The following CEP295 variants were observed in gnomAD, a reference collection of about 807,000 sequenced individuals.
CEP295 encodes the protein centrosomal protein 295.
CEP295 carries 190 observed loss-of-function variants against 291.6 expected under a neutral mutation model. The observed-to-expected ratio is 0.65, with a 90% confidence interval of 0.58 to 0.73. The LOEUF is 0.73. Ranked by LOEUF, CEP295 falls within the 30% of genes least tolerant of loss-of-function variation. CEP295 has a pLI of 0.00. For missense variants in CEP295, 2,863 were observed against 2,949.4 expected (o/e 0.97, Z 0.68); for synonymous variants, 993 against 1,038.8 (o/e 0.96, Z 0.85).
chr11:93,724,544 A>G (rs1222213741), intron 22 of CEP295, among the ~76,000 whole-genome samples, 169 bp downstream of exon 22: 2 of 152,224 alleles, frequency 1.3e-5, no homozygotes, highest in African/African-American at 4.8e-5. Context: ...AGGCGGGCAG[A>G]TTACTTGAGG....
chr11:93,666,886 G>A (rs7123801), intron 2 of CEP295, 71 bp downstream of exon 2: 877,493 of 886,758 alleles, frequency 0.99, 434,705 homozygotes, highest in East Asian at 1. Context: ...TTACATTAGA[G>A]TGTTCTAAAT....
intron 23 of CEP295, 120 bp from the exon 24 acceptor site, chr11:93,726,853 TCAA>T: frequency 1.4e-6 from 1 of 702,028 alleles, no homozygotes; most frequent in East Asian, 2.8e-5. Flanking sequence ...TTTATACACA[TCAA>T]CTTTTATGCC....
chr11:93,721,546 A>G (rs1345255117), intron 19 of CEP295, 134 bp downstream of exon 19: 2 of 785,268 alleles, frequency 2.5e-6, no homozygotes, highest in African/African-American at 3.4e-5. Flanking sequence ...GAAGTGGATC[A>G]ATGATGAAAC....
intron 18 of CEP295, among the ~76,000 whole-genome samples, chr11:93,711,774 G>A (rs1368187055): frequency 6.6e-6 from 1 of 151,722 alleles, no homozygotes; most frequent in Non-Finnish European, 1.5e-5. Flanking sequence ...GCCTCCCAAA[G>A]TGCTGGGATT....
intron 9 of CEP295, among the ~76,000 whole-genome samples, chr11:93,686,685 C>CTGTGATCT (rs1261733923): frequency 6.6e-6 from 1 of 152,092 alleles, no homozygotes; most frequent in Non-Finnish European, 1.5e-5. Flanking sequence ...CAAAACTAAT[C>CTGTGATCT]TGTGATCTTG....
rs1950650243 is a variant in CEP295 at position 93,675,627 on chromosome 11, T to C, written c.585T>C (p.His195=). The change falls in exon 6 of 30, where the codon CAT becomes CAC. Residue 195 remains histidine, a synonymous_variant. Coordinates refer to ENST00000325212, the MANE Select transcript of CEP295 (RefSeq NM_033395.2). ...AVKTNSSTYH[H]LHTFVNRETD... ...AAACCAATAGTTCTACCTACCATCATCTTCACACTTTTGTGAATAGAGAGA... is the reference window on the plus strand; with the variant it reads ...AAACCAATAGTTCTACCTACCATCACCTTCACACTTTTGTGAATAGAGAGA... 3 of 1,511,348 alleles carry C rather than the reference T, an allele frequency of 2.0e-6. No homozygotes were observed. In the East Asian group the frequency reaches 7.8e-5, roughly 39 times the overall value. The allele number at this position is 1,511,348 out of a possible 1,614,324, so 93.6% of individuals were successfully genotyped here. A position where few individuals can be genotyped will look rare whatever the true frequency, so the allele number is the denominator to read the frequency against.
intron 18 of CEP295, among the ~76,000 whole-genome samples, chr11:93,720,288 C>T (rs529888439): frequency 2.8e-4 from 43 of 151,684 alleles, no homozygotes; most frequent in Non-Finnish European, 5.0e-4. Flanking sequence ...GCCTGGCCAA[C>T]ATGGTGAAAC....
chr11:93,669,414 G>GT (rs35665508), intron 4 of CEP295, among the ~76,000 whole-genome samples: 79,951 of 144,718 alleles, frequency 0.55, 21,744 homozygotes, highest in Admixed American at 0.63. Flanking sequence ...CAACATTTCT[G>GT]TTTTTTTTTT....
intron 17 of CEP295, among the ~76,000 whole-genome samples, chr11:93,704,424 T>G (rs1308812055): frequency 1.3e-5 from 2 of 152,106 alleles, no homozygotes; most frequent in Admixed American, 1.3e-4. Flanking sequence ...CCTGGTGTAA[T>G]GCAGGGAAAC....
At chr11:93,706,689 A>T in intron 17 of CEP295, 56 bp from the exon 18 acceptor site, 1 of 1,412,512 alleles carries the variant, frequency 7.1e-7, no homozygotes, top group Non-Finnish European at 9.4e-7. Context: ...TTGGCACTTT[A>T]GTTCTAGCTA....
chr11:93,677,804 C>T (rs893336196), intron 6 of CEP295, among the ~76,000 whole-genome samples: 2 of 152,090 alleles, frequency 1.3e-5, no homozygotes, highest in Non-Finnish European at 2.9e-5. Context: ...ATCTGATGTA[C>T]AAGATTCAGA....
intron 1 of CEP295, among the ~76,000 whole-genome samples, chr11:93,664,015 C>G (rs1258728135): frequency 6.6e-6 from 1 of 152,108 alleles, no homozygotes; most frequent in Middle Eastern, 3.2e-3. Context: ...ATTTTTACCT[C>G]TCATGGATTA....
chr11:93,685,332 C>A (rs1951174226), intron 9 of CEP295, among the ~76,000 whole-genome samples: 1 of 152,114 alleles, frequency 6.6e-6, no homozygotes, highest in South Asian at 2.1e-4. Flanking sequence ...TGTAGGCCTC[C>A]CATATCTACT....
intron 13 of CEP295, 136 bp downstream of exon 13, chr11:93,695,770 G>C: frequency 9.9e-7 from 1 of 1,006,126 alleles, no homozygotes; most frequent in South Asian, 1.8e-5. Context: ...CAGCACTTTG[G>C]GTGGCCGAGA....
intron 18 of CEP295, among the ~76,000 whole-genome samples, chr11:93,714,404 C>T (rs1395004238): frequency 6.6e-6 from 1 of 152,192 alleles, no homozygotes; most frequent in East Asian, 1.9e-4. Context: ...GCGCGTGCCA[C>T]CACGCCCAGC....
At chr11:93,722,919 G>T (rs551757736) in intron 20 of CEP295, 122 bp from the exon 21 acceptor site, 1 of 695,250 alleles carries the variant, frequency 1.4e-6, no homozygotes, top group African/African-American at 1.8e-5. Context: ...CCATGTTGGC[G>T]AGATGGTCTC....
intron 19 of CEP295, 77 bp from the exon 20 acceptor site, chr11:93,721,877 C>A (rs1262011630): frequency 3.2e-6 from 3 of 941,126 alleles, no homozygotes; most frequent in East Asian, 4.8e-5. Context: ...GAAGTGACAA[C>A]TGCTGGGGTT....
At chr11:93,693,641 A>G (rs900212822) in intron 12 of CEP295, among the ~76,000 whole-genome samples, 1 of 152,204 alleles carries the variant, frequency 6.6e-6, no homozygotes, top group African/African-American at 2.4e-5. Context: ...CCACAATTCC[A>G]GCTACTCAGA....
chr11:93,728,688 A>C lies in CEP295; in HGVS notation c.7169A>C (p.Glu2390Ala). The C allele has an allele frequency of 6.5e-7, 1 of 1,533,600 alleles. No homozygotes were observed. Among genetic ancestry groups the C allele is most frequent in the Non-Finnish European group, 8.8e-7 (1 of 1,141,924 alleles). 95.0% of individuals were successfully genotyped at this position (1,533,600 alleles called of 1,614,324 possible). A position where few individuals can be genotyped will look rare whatever the true frequency, so the allele number is the denominator to read the frequency against. ...LQSSIPVWET[E>A]TGHGIMEEPE... ...TTTAATTGTGGTTCACAGGAAACAG[A>C]AACTGGCCATGGTATAATGGAAGAA... Residue 2390 changes from glutamate to alanine, a missense_variant, in exon 25 of 30, where the codon GAA (glutamate) becomes GCA (alanine). Around this residue, in one of 3 missense-constraint regions of CEP295, gnomAD observed 2,295 missense variants for 2,335.7 expected, o/e 0.98. Coordinates refer to ENST00000325212, the MANE Select transcript of CEP295 (RefSeq NM_033395.2).
Sources: gnomAD v4.1 joint callset for allele counts (sites outside exome capture counted in the v4.1 genomes callset) on GRCh38, gnomAD v4.1.1 for gene constraint, gnomAD v4.1.1 regional missense constraint, MANE v1.5 for transcripts, NCBI Gene and HGNC (gene_info 2026-07-23, HGNC 2026-07-21) for gene names.